The following RPL26 variants were observed in gnomAD, a reference collection of about 807,000 sequenced individuals.
The protein encoded by RPL26 is ribosomal protein L26.
A neutral mutation model predicts 16.2 loss-of-function variants in RPL26; 1 was observed. The observed-to-expected ratio is 0.06, with a 90% CI of 0.02 to 0.29. The LOEUF (loss-of-function observed/expected upper bound fraction) is 0.29, where lower values mean the gene tolerates loss of function less well. Ranked by LOEUF, RPL26 falls within the 10% of genes least tolerant of loss-of-function variation. The pLI is 1.00. For synonymous variants in RPL26, 55 were observed against 62.4 expected (o/e 0.88, Z 0.56); for missense variants, 102 against 184.3 (o/e 0.55, Z 2.58).
intron 1 of RPL26, 22 bp downstream of exon 1, chr17:8,383,135 C>T (rs1172722400): frequency 2.5e-6 from 1 of 398,558 alleles, no homozygotes; most frequent in African/African-American, 2.1e-5. Flanking sequence ...TGATTACACC[C>T]GCTTGCCCGC....
intron 1 of RPL26, chr17:8,382,645 G>A (rs1333867015): frequency 6.3e-6 from 2 of 317,510 alleles, no homozygotes; most frequent in Non-Finnish European, 1.2e-5. Flanking sequence ...TTACATCTCT[G>A]CTGAGCAGAC....
chr17:8,379,068 C>T (rs1404908599), intron 3 of RPL26: 1 of 152,186 alleles, frequency 6.6e-6, no homozygotes, highest in African/African-American at 2.4e-5. Context: ...AATTTTGCCT[C>T]AGTAGGCCTG....
chr17:8,380,025 C>T, intron 2 of RPL26, 89 bp from the exon 3 acceptor site: 2 of 1,055,408 alleles, frequency 1.9e-6, no homozygotes, highest in Non-Finnish European at 2.7e-6. Context: ...ACCATTCACC[C>T]TATCATTATA....
chr17:8,380,093 A>C (rs1348037528), intron 2 of RPL26, 157 bp from the exon 3 acceptor site: 1 of 603,444 alleles, frequency 1.7e-6, no homozygotes, highest in East Asian at 2.8e-5. Flanking sequence ...GACAACAAGG[A>C]ATCTGTTACT....
At position 8,383,192 on chromosome 17, in the gene RPL26, A is replaced by C. The variant is rs532181838; in HGVS notation, c.-41T>G. The C allele has an allele frequency of 2.5e-6, 1 of 398,656 alleles. No homozygotes were observed. The highest frequency in any genetic ancestry group is 4.4e-6 in the Non-Finnish European group (1 of 226,066). The allele number at this position is 398,656 out of a possible 1,614,324, so 24.7% of individuals were successfully genotyped here. ...TTCGGTGATGGCCGCAAAAGGGAAG[A>C]GAACTACACGCTGCTTCCGGTTCTG... On this transcript the variant is annotated 5_prime_UTR_variant, in exon 1 of 4. Transcript: ENST00000648839.
At chr17:8,383,126 G>C (rs1032123086) in intron 1 of RPL26, 31 bp downstream of exon 1, 2 of 398,546 alleles carry the variant, frequency 5.0e-6, no homozygotes, top group African/African-American at 4.1e-5. Flanking sequence ...GATGGCTGCT[G>C]ATTACACCCG....
rs1907334721 is a variant in RPL26 at position 8,379,936 on chromosome 17, C to T, written c.169G>A (p.Val57Ile). Reference sequence around the variant, plus strand: ...TGACCTTTATAGTGTCCACGTACAACCTAAGAGCAAATTCAAAAGTAACAA... The same window carrying T: ...TGACCTTTATAGTGTCCACGTACAATCTAAGAGCAAATTCAAAAGTAACAA... ...MPIRKDDEVQ[V>I]VRGHYKGQQI... Residue 57 changes from valine (V) to isoleucine (I), a missense_variant and splice_region_variant, in exon 3 of 4, where the codon GTT (valine) becomes ATT (isoleucine). By Grantham distance (29) the Val-to-Ile change is conservative. Transcript: ENST00000648839. The T allele has an allele frequency of 6.3e-7, 1 of 1,598,338 alleles. No homozygotes were observed. Among genetic ancestry groups the T allele is most frequent in the Non-Finnish European group, 8.5e-7 (1 of 1,175,166 alleles).
At chr17:8,382,988 G>T (rs1844533872) in intron 1 of RPL26, 169 bp downstream of exon 1, 1 of 398,378 alleles carries the variant, frequency 2.5e-6, no homozygotes, top group Non-Finnish European at 4.4e-6. Flanking sequence ...TCCATCTCCG[G>T]CCCGGCGGCC....
At chr17:8,379,725 G>A (rs994610292) in intron 3 of RPL26, 71 bp downstream of exon 3, 4 of 1,425,450 alleles carry the variant, frequency 2.8e-6, no homozygotes, top group Non-Finnish European at 3.9e-6. Context: ...CTATGGCCTT[G>A]CTCTGTAAAC....
chr17:8,377,809 A>G (rs931234590), intron 3 of RPL26, 117 bp from the exon 4 acceptor site: 3 of 882,438 alleles, frequency 3.4e-6, no homozygotes, highest in Non-Finnish European at 4.9e-6. Context: ...CCTAATAAGA[A>G]AAGATTTTAA....
In RPL26 at chr17:8,377,594, C is replaced by T. The variant is rs768725158; in HGVS notation, c.408G>A (p.Lys136=). The T allele has an allele frequency of 5.0e-6, 8 of 1,601,632 alleles. No individual in the cohort carries two copies. The Admixed American group carries it at 1.2e-4, about 23-fold the overall frequency. Residue 136 remains lysine (K), a synonymous_variant, in exon 4 of 4, where the codon AAG becomes AAA. Transcript: ENST00000648839. ...RQVGKEKGKY[K]EETIEKMQE ...CCTGCATCTTCTCAATGGTTTCTTCCTTGTATTTGCCCTTTTCCTTTCCTA... is the reference window on the plus strand; with the variant it reads ...CCTGCATCTTCTCAATGGTTTCTTCTTTGTATTTGCCCTTTTCCTTTCCTA...
chr17:8,382,887 C>G (rs780890735), intron 1 of RPL26: 4 of 396,222 alleles, frequency 1.0e-5, no homozygotes, highest in African/African-American at 2.1e-5. Context: ...AGACCATTCT[C>G]TAGGAAACGA....
intron 2 of RPL26, chr17:8,381,380 T>C (rs1169888615): frequency 6.6e-6 from 1 of 152,192 alleles, no homozygotes; most frequent in African/African-American, 2.4e-5. Flanking sequence ...AATGAGCCTG[T>C]TGGGTAGTCA....
At chr17:8,382,471 C>A in intron 1 of RPL26, 156 bp from the exon 2 acceptor site, 1 of 592,958 alleles carries the variant, frequency 1.7e-6, no homozygotes, top group Non-Finnish European at 3.0e-6. Context: ...AAGGGCCTAT[C>A]AACCGAAGCT....
chr17:8,380,810 T>C (rs975485468), intron 2 of RPL26: 5 of 152,246 alleles, frequency 3.3e-5, no homozygotes, highest in African/African-American at 9.6e-5. Context: ...TTCCTGGGCA[T>C]AGACCAAACT....
intron 2 of RPL26, chr17:8,381,192 C>T (rs1907393003): frequency 6.6e-6 from 1 of 152,088 alleles, no homozygotes; most frequent in African/African-American, 2.4e-5. Context: ...TCAACACGCC[C>T]CACTCCCTGG....
intron 2 of RPL26, chr17:8,381,271 AGTT>A (rs1441767418): frequency 1.3e-5 from 2 of 152,204 alleles, no homozygotes; most frequent in Non-Finnish European, 2.9e-5. Context: ...TGATTTGAGT[AGTT>A]AACTCTGGTC....
chr17:8,382,410 G>T, intron 1 of RPL26, 95 bp from the exon 2 acceptor site: 1 of 881,716 alleles, frequency 1.1e-6, no homozygotes. Context: ...AGTCTAGAAT[G>T]ATCATAGGCA....
In RPL26 at chr17:8,379,829, G is replaced by T. The variant is rs1907330159; in HGVS notation, c.276C>A (p.Gly92=). ...IERVQREKAN[G]TTVHVGIHPS... is the part of the protein sequence containing the mutation. ...GGTGAATGCCTACGTGGACAGTTGT[G>T]CCATTAGCCTTTTCCCGCTGCACCC... Residue 92 remains glycine (G), a synonymous_variant, in exon 3 of 4, where the codon GGC becomes GGA. Transcript: ENST00000648839. The T allele has an allele frequency of 6.2e-7, 1 of 1,613,534 alleles. No individual in the cohort carries two copies. Among genetic ancestry groups the T allele is most frequent in the African/African-American group, 1.3e-5 (1 of 74,860 alleles).
Sources: gnomAD v4.1 joint callset for allele counts on GRCh38, gnomAD v4.1.1 for gene constraint, MANE v1.5 for transcripts, NCBI Gene and HGNC (gene_info 2026-07-23, HGNC 2026-07-21) for gene names.